The following PIEZO2 variants were observed in gnomAD, a reference collection of about 807,000 sequenced individuals.
The protein encoded by PIEZO2 is piezo-type mechanosensitive ion channel component 2.
Under a neutral mutation model 337.3 loss-of-function variants are expected in PIEZO2, and 172 were observed. The ratio of observed to expected loss-of-function variants is 0.51; its 90% CI spans 0.45 to 0.58. The LOEUF is 0.58. Ranked by LOEUF, PIEZO2 falls within the 20% of genes least tolerant of loss-of-function variation. The pLI, the probability that PIEZO2 is intolerant of heterozygous loss-of-function variation, is 0.00. For missense variants in PIEZO2, 3,028 were observed against 3,391.3 expected (o/e 0.89, Z 2.66); for synonymous variants, 1,251 against 1,228.5 (o/e 1.02, Z -0.38).
At chr18:11,060,227 G>A (rs1205212306) in intron 2 of PIEZO2, among the ~76,000 whole-genome samples, 23 of 152,130 alleles carry the variant, frequency 1.5e-4, no homozygotes, top group Non-Finnish European at 2.9e-4. Flanking sequence ...AAGACACAAC[G>A]TACCAGAATC....
chr18:11,026,610 A>G (rs1456690023), intron 2 of PIEZO2, among the ~76,000 whole-genome samples: 3 of 152,220 alleles, frequency 2.0e-5, no homozygotes, highest in Non-Finnish European at 4.4e-5. Flanking sequence ...AAAGAGATAC[A>G]TATACTAAAG....
chr18:10,725,797 A>G (rs2036512030), intron 36 of PIEZO2, among the ~76,000 whole-genome samples: 1 of 152,174 alleles, frequency 6.6e-6, no homozygotes, highest in African/African-American at 2.4e-5. Flanking sequence ...CACCAGGCCA[A>G]CCACCACGCG....
chr18:10,994,527 A>C (rs1598799008), intron 2 of PIEZO2, among the ~76,000 whole-genome samples: 2 of 147,762 alleles, frequency 1.4e-5, no homozygotes, highest in Admixed American at 6.8e-5. Context: ...TTCCTGCCTC[A>C]CCCTCCCAAG....
intron 2 of PIEZO2, among the ~76,000 whole-genome samples, chr18:11,061,377 T>A (rs1434223907): frequency 6.6e-6 from 1 of 150,408 alleles, no homozygotes; most frequent in African/African-American, 2.4e-5. Flanking sequence ...ACCACTCCTA[T>A]TCAACATAGT....
Position 10,795,345 on chromosome 18 carries a change from TA to T in PIEZO2, c.1528-344del, listed in dbSNP as rs2039548624. ...TATTTTATTTTATTTTATTTTATTT[TA>T]TTTTATTATTTTATTTTATTTTATT... On this transcript the variant is annotated intron_variant, in intron 12 of 55. Coordinates refer to ENST00000674853, the MANE Select transcript of PIEZO2 (RefSeq NM_001378183.1). The surrounding 1 kb of genome is among the most constrained non-coding windows in gnomAD (Gnocchi z 4.4). Among the ~76,000 whole-genome samples, 2 of 21,890 alleles carry T rather than the reference TA, an allele frequency of 9.1e-5. No homozygotes were observed. The highest frequency in any genetic ancestry group is 2.7e-4 in the African/African-American group (2 of 7,386). The allele number at this position is 21,890 out of a possible 152,430, so 14.4% of individuals were successfully genotyped here.
chr18:10,691,060 T>G (rs1598359874), intron 48 of PIEZO2, among the ~76,000 whole-genome samples, 165 bp downstream of exon 48: 1 of 152,186 alleles, frequency 6.6e-6, no homozygotes, highest in East Asian at 1.9e-4. Context: ...CATAGAAAGG[T>G]GTTTAAAGAG....
At chr18:10,906,397 C>A (rs1255806944) in intron 4 of PIEZO2, among the ~76,000 whole-genome samples, 1 of 152,042 alleles carries the variant, frequency 6.6e-6, no homozygotes, top group African/African-American at 2.4e-5. Context: ...AAATAGACAG[C>A]AATATGATCT....
At position 10,973,007 on chromosome 18, in the gene PIEZO2, G is replaced by A. The variant is rs539667932; in HGVS notation, c.286+6528C>T. On this transcript the variant is annotated intron_variant, in intron 3 of 55. Coordinates refer to ENST00000674853, the MANE Select transcript of PIEZO2 (RefSeq NM_001378183.1). This position sits in a 1 kb window ranked among gnomAD's most constrained non-coding sequence, Gnocchi z 4.9. ...GACTCACTTTCCCCACCAGTAATAC[G>A]ATATGCAACTAGCTCACAGTCACCC... 1.3e-5 allele frequency among the ~76,000 whole-genome samples: 2 copies of A among 152,224 alleles called. No individual in the cohort carries two copies. Among genetic ancestry groups the A allele is most frequent in the South Asian group, 2.1e-4 (1 of 4,820 alleles).
At chr18:10,880,846 CATATATATATATATATATATATATATAT>C (rs56271617) in intron 4 of PIEZO2, among the ~76,000 whole-genome samples, 1,907 of 68,090 alleles carry the variant, frequency 0.028, 110 homozygotes, top group African/African-American at 0.072. Flanking sequence ...TCCCACATAT[CATATATATATATATATATATATATATAT>C]ATATATATAT....
At chr18:10,976,816 G>A (rs2034456791) in intron 3 of PIEZO2, among the ~76,000 whole-genome samples, 1 of 152,100 alleles carries the variant, frequency 6.6e-6, no homozygotes, top group African/African-American at 2.4e-5. Context: ...TACTGGTTGG[G>A]CAAGGAAGGC....
intron 3 of PIEZO2, among the ~76,000 whole-genome samples, chr18:10,975,721 T>C (rs1294424566): frequency 6.6e-6 from 1 of 152,212 alleles, no homozygotes; most frequent in African/African-American, 2.4e-5. Context: ...CCTTTTGCGA[T>C]AATGAGGGTG....
rs561031668 is a variant in PIEZO2 at position 11,021,518 on chromosome 18, T to C, written c.161-41858A>G. On this transcript the variant is annotated intron_variant, in intron 2 of 55. Coordinates refer to ENST00000674853, the MANE Select transcript of PIEZO2 (RefSeq NM_001378183.1). The surrounding 1 kb of genome is among the most constrained non-coding windows in gnomAD (Gnocchi z 4.7). Reference sequence around the variant, plus strand: ...ATTTGAGTTGAGTTTCTGAGCAGACTCTCCTGCTTCAGCCGCCAATGGCGT... The same window carrying C: ...ATTTGAGTTGAGTTTCTGAGCAGACCCTCCTGCTTCAGCCGCCAATGGCGT... Among the ~76,000 whole-genome samples the C allele has an allele frequency of 0.021, 3,241 of 152,204 alleles. 112 individuals carry two copies. The highest frequency in any genetic ancestry group is 0.074 in the African/African-American group (3,053 of 41,504).
rs961597750 is a variant in PIEZO2, at chr18:10,861,328, CAAAT to C, written c.493-4121_493-4118del. 5.3e-5 allele frequency among the ~76,000 whole-genome samples: 8 copies of C among 152,100 alleles called. No homozygotes were observed. Among genetic ancestry groups the C allele is most frequent in the Non-Finnish European group, 1.0e-4 (7 of 68,014 alleles). ...ATAAACTCTTTACAGTTTAAAAAGTCAAATAAATGATTATACAGATTATTGACCA... is the reference window on the plus strand; with the variant it reads ...ATAAACTCTTTACAGTTTAAAAAGTCAAATGATTATACAGATTATTGACCA... On this transcript the variant is annotated intron_variant, in intron 5 of 55. Coordinates refer to ENST00000674853, the MANE Select transcript of PIEZO2 (RefSeq NM_001378183.1). The surrounding 1 kb of genome is among the most constrained non-coding windows in gnomAD (Gnocchi z 4.3).
intron 3 of PIEZO2, among the ~76,000 whole-genome samples, chr18:10,968,256 T>G (rs2034097320): frequency 6.6e-6 from 1 of 152,216 alleles, no homozygotes; most frequent in African/African-American, 2.4e-5. Context: ...ATCAGTTAGC[T>G]GTTAAGCGTT....
Position 11,105,913 on chromosome 18 carries a change from A to G in PIEZO2, c.65-39691T>C, listed in dbSNP as rs72874288. Among the ~76,000 whole-genome samples the G allele has an allele frequency of 0.15, 22,981 of 152,064 alleles. 2,278 individuals carry two copies. Among genetic ancestry groups the G allele is most frequent in the South Asian group, 0.41 (1,982 of 4,820 alleles). On this transcript the variant is annotated intron_variant, in intron 1 of 55. Coordinates refer to ENST00000674853, the MANE Select transcript of PIEZO2 (RefSeq NM_001378183.1). This position sits in a 1 kb window ranked among gnomAD's most constrained non-coding sequence, Gnocchi z 4.3. ...CTTCTTCTGTAGGGTTATCTGACTG[A>G]TTTAGGTCATTCCAAGGGTTTCTCT...
intron 23 of PIEZO2, among the ~76,000 whole-genome samples, chr18:10,761,851 T>G (rs1175493297): frequency 6.6e-6 from 1 of 152,300 alleles, no homozygotes; most frequent in East Asian, 1.9e-4. Context: ...GCATTGCCAG[T>G]GTAACATGAT....
intron 2 of PIEZO2, among the ~76,000 whole-genome samples, chr18:11,050,524 T>TACACACACAC (rs56107549): frequency 2.0e-3 from 298 of 149,076 alleles, no homozygotes; most frequent in African/African-American, 6.8e-3. Context: ...GTGTTTATTT[T>TACACACACAC]ACACACACAC....
chr18:10,910,131 A>T (rs776332719), intron 4 of PIEZO2, among the ~76,000 whole-genome samples: 1 of 152,268 alleles, frequency 6.6e-6, no homozygotes, highest in Non-Finnish European at 1.5e-5. Flanking sequence ...GGTAAAAAGA[A>T]CTAGTCAAAA....
At chr18:10,935,823 C>G (rs2032361075) in intron 3 of PIEZO2, among the ~76,000 whole-genome samples, 1 of 152,204 alleles carries the variant, frequency 6.6e-6, no homozygotes, top group Admixed American at 6.5e-5. Flanking sequence ...AGCAGCAACG[C>G]TCCGGCAGTG....
Sources: gnomAD v4.1 joint callset for allele counts (sites outside exome capture counted in the v4.1 genomes callset) on GRCh38, gnomAD v4.1.1 for gene constraint, Gnocchi (gnomAD v3.1) non-coding constraint, MANE v1.5 for transcripts, NCBI Gene and HGNC (gene_info 2026-07-23, HGNC 2026-07-21) for gene names.